The following ITFG1 variants were observed in gnomAD, a reference collection of about 807,000 sequenced individuals.
The protein encoded by ITFG1 is integrin alpha FG-GAP repeat containing 1.
In ITFG1, 34 loss-of-function variants were observed where a neutral mutation model predicts 81.8. The observed-to-expected ratio is 0.42, with a 90% CI of 0.32 to 0.55. ITFG1 has a LOEUF of 0.55. ITFG1 is among the 20% of genes least tolerant of loss of function. The pLI, the probability that ITFG1 is intolerant of heterozygous loss-of-function variation, is 0.17. For missense variants in ITFG1, 672 were observed against 755.4 expected (o/e 0.89, Z 1.29); for synonymous variants, 285 against 270.6 (o/e 1.05, Z -0.52).
intron 7 of ITFG1, among the ~76,000 whole-genome samples, chr16:47,372,389 C>A (rs1297518024): frequency 6.6e-6 from 1 of 151,834 alleles, no homozygotes; most frequent in Non-Finnish European, 1.5e-5. Context: ...GGAGACATAT[C>A]TCTATTCTAA....
chr16:47,291,966 T>C (rs544681068), intron 10 of ITFG1, among the ~76,000 whole-genome samples: 1 of 152,268 alleles, frequency 6.6e-6, no homozygotes, highest in African/African-American at 2.4e-5. Context: ...TCTTTTACAC[T>C]GGGATACATT....
chr16:47,390,630 T>C (rs1968518161), intron 6 of ITFG1, among the ~76,000 whole-genome samples: 1 of 152,096 alleles, frequency 6.6e-6, no homozygotes, highest in African/African-American at 2.4e-5. Flanking sequence ...CGGCTAATTT[T>C]TTTATTTTTA....
intron 6 of ITFG1, among the ~76,000 whole-genome samples, chr16:47,383,685 C>A (rs1278448337): frequency 6.6e-6 from 1 of 152,228 alleles, no homozygotes; most frequent in Non-Finnish European, 1.5e-5. Context: ...GTGGTTGGAT[C>A]ACCTGAAGTC....
intron 6 of ITFG1, among the ~76,000 whole-genome samples, chr16:47,384,488 T>A (rs1282465554): frequency 6.6e-6 from 1 of 152,194 alleles, no homozygotes; most frequent in Non-Finnish European, 1.5e-5. Flanking sequence ...ATAACCCTGG[T>A]CTTAATGAAA....
chr16:47,396,544 GAAA>G (rs1968596767), intron 6 of ITFG1, among the ~76,000 whole-genome samples: 1 of 151,988 alleles, frequency 6.6e-6, no homozygotes, highest in African/African-American at 2.4e-5. Context: ...GTGTGTGTGT[GAAA>G]GAGAGAAAGA....
chr16:47,395,877 C>T (rs960157812), intron 6 of ITFG1, among the ~76,000 whole-genome samples: 1 of 152,156 alleles, frequency 6.6e-6, no homozygotes, highest in Non-Finnish European at 1.5e-5. Flanking sequence ...CTATCGTCAG[C>T]AGTATGCAAT....
chr16:47,454,895 GA>G (rs538401212), intron 2 of ITFG1, among the ~76,000 whole-genome samples: 1 of 152,152 alleles, frequency 6.6e-6, no homozygotes, highest in South Asian at 2.1e-4. Flanking sequence ...CTACTCAGAT[GA>G]AATAGCAAGA....
intron 14 of ITFG1, among the ~76,000 whole-genome samples, chr16:47,178,342 T>C (rs1309469163): frequency 6.6e-6 from 1 of 152,320 alleles, no homozygotes; most frequent in Middle Eastern, 3.4e-3. Flanking sequence ...ACCTGTGTTA[T>C]TTTAGTGTCA....
chr16:47,317,612 C>G (rs1474470530), intron 8 of ITFG1: 1 of 152,154 alleles, frequency 6.6e-6, no homozygotes, highest in East Asian at 1.9e-4. Context: ...GGCTCCTGCC[C>G]AGATCTAACA....
intron 8 of ITFG1, among the ~76,000 whole-genome samples, chr16:47,323,018 C>T (rs755206981): frequency 2.2e-4 from 33 of 152,088 alleles, no homozygotes; most frequent in Non-Finnish European, 1.5e-4. Flanking sequence ...AATTGCCAGG[C>T]TTCAATATTA....
At chr16:47,190,070 G>T (rs1965273360) in intron 14 of ITFG1, among the ~76,000 whole-genome samples, 11 of 152,082 alleles carry the variant, frequency 7.2e-5, no homozygotes, top group Admixed American at 6.5e-4. Flanking sequence ...AGGTTCCAAA[G>T]TGAACAATGT....
rs543599652 is a variant in ITFG1, at chr16:47,365,498, A to G, written c.802+290T>C. On this transcript the variant is annotated intron_variant, in intron 8 of 17. Coordinates refer to ENST00000320640, the MANE Select transcript of ITFG1 (RefSeq NM_030790.5). ...TATACGTGAAGAATTTACGGTAATT[A>G]ATACCTGGAATTCTCTAGAAAAAGT... The G allele has an allele frequency of 1.3e-5, 4 of 296,810 alleles. No homozygotes were observed. In the East Asian group the frequency reaches 1.7e-4, roughly 13 times the overall value. 18.4% of individuals were successfully genotyped at this position (296,810 alleles called of 1,614,324 possible).
intron 8 of ITFG1, among the ~76,000 whole-genome samples, chr16:47,351,069 T>C (rs1206812085): frequency 6.6e-6 from 1 of 152,110 alleles, no homozygotes; most frequent in Non-Finnish European, 1.5e-5. Context: ...CTCAAAATAA[T>C]AAGAGCTATT....
At chr16:47,377,277 C>T (rs752401895) in intron 6 of ITFG1, among the ~76,000 whole-genome samples, 76 of 152,200 alleles carry the variant, frequency 5.0e-4, no homozygotes, top group Non-Finnish European at 9.7e-4. Flanking sequence ...GTATTTATTT[C>T]CACAACAAGG....
intron 5 of ITFG1, chr16:47,449,050 T>G (rs936363053): frequency 1.3e-5 from 2 of 152,234 alleles, no homozygotes; most frequent in African/African-American, 4.8e-5. Context: ...ACTGATCATC[T>G]GCACCTTTAG....
At chr16:47,210,262 T>C (rs747569322) in intron 14 of ITFG1, among the ~76,000 whole-genome samples, 5 of 152,292 alleles carry the variant, frequency 3.3e-5, no homozygotes, top group Non-Finnish European at 4.4e-5. Flanking sequence ...GTATATCCCA[T>C]TGTGGTTTTC....
intron 8 of ITFG1, among the ~76,000 whole-genome samples, chr16:47,341,410 A>G (rs975641573): frequency 2.7e-5 from 4 of 149,422 alleles, no homozygotes; most frequent in African/African-American, 4.9e-5. Context: ...GAAAAAAAAA[A>G]AAAAAAGAAA....
intron 10 of ITFG1, among the ~76,000 whole-genome samples, chr16:47,295,723 A>C (rs1207576644): frequency 6.6e-6 from 1 of 152,036 alleles, no homozygotes; most frequent in Non-Finnish European, 1.5e-5. Flanking sequence ...GGAGTGGTTT[A>C]TCAATTTTGT....
intron 6 of ITFG1, among the ~76,000 whole-genome samples, chr16:47,425,510 T>C (rs1239124024): frequency 6.6e-6 from 1 of 151,586 alleles, no homozygotes; most frequent in Non-Finnish European, 1.5e-5. Context: ...AATGCACAAA[T>C]CACCCGTCTT....
Sources: gnomAD v4.1 joint callset for allele counts (sites outside exome capture counted in the v4.1 genomes callset) on GRCh38, gnomAD v4.1.1 for gene constraint, MANE v1.5 for transcripts, NCBI Gene and HGNC (gene_info 2026-07-23, HGNC 2026-07-21) for gene names.